The following ARAP3 variants were observed in gnomAD, a reference collection of about 807,000 sequenced individuals.
The protein encoded by ARAP3 is ArfGAP with RhoGAP domain, ankyrin repeat and PH domain 3.
In ARAP3, 82 loss-of-function variants were observed where a neutral mutation model predicts 169.2. That is an observed-to-expected ratio of 0.48 (90% CI 0.41 to 0.58). The LOEUF (loss-of-function observed/expected upper bound fraction) is 0.58. ARAP3 is among the 20% of genes least tolerant of loss of function. The probability of loss-of-function intolerance (pLI) is 0.00; values close to 1 mark genes in which losing one functional copy is unlikely to be tolerated. For synonymous variants in ARAP3, 791 were observed against 800.3 expected (o/e 0.99, Z 0.20); for missense variants, 1,764 against 2,018.0 (o/e 0.87, Z 2.41).
chr5:141,656,051 A>C lies in ARAP3; in HGVS notation c.3908+13T>G. On this transcript the variant is annotated intron_variant, in intron 29 of 32. Coordinates refer to ENST00000239440, the MANE Select transcript of ARAP3 (RefSeq NM_022481.6). Reference sequence around the variant, plus strand: ...GGTGGGCCAGAGGAGAAGCCAGGGCAGGAGGTACTCACAGGTGCATCTTCT... The same window carrying C: ...GGTGGGCCAGAGGAGAAGCCAGGGCCGGAGGTACTCACAGGTGCATCTTCT... 1.2e-6 allele frequency: 2 copies of C among 1,614,202 alleles called. No homozygotes were observed. Among genetic ancestry groups the C allele is most frequent in the Non-Finnish European group, 1.7e-6 (2 of 1,180,036 alleles).
At chr5:141,654,493 T>C in intron 32 of ARAP3, 58 bp from the exon 33 acceptor site, 1 of 1,509,690 alleles carries the variant, frequency 6.6e-7, no homozygotes, top group Non-Finnish European at 8.8e-7. Context: ...AGATTATGAA[T>C]CACTAACATT....
chr5:141,671,428 C>T lies in ARAP3; in HGVS notation c.1855-28G>A. ...GCAGGGAGGGAAGGGCCTCTGTCAGCCCCAAATCCCAAACTGAGAGCACTG... is the reference window on the plus strand; with the variant it reads ...GCAGGGAGGGAAGGGCCTCTGTCAGTCCCAAATCCCAAACTGAGAGCACTG... On this transcript the variant is annotated intron_variant, in intron 12 of 32. Transcript: ENST00000239440. This position sits in a 1 kb window ranked among gnomAD's most constrained non-coding sequence, Gnocchi z 4.9. 3 of 1,597,334 alleles carry T rather than the reference C, an allele frequency of 1.9e-6. No individual in the cohort carries two copies. The highest frequency in any genetic ancestry group is 3.4e-5 in the Admixed American group (2 of 58,430).
rs1260971329 is a variant in ARAP3, at chr5:141,679,612, C to T, written c.631G>A (p.Val211Met). 1 of 1,614,138 alleles carries T rather than the reference C, an allele frequency of 6.2e-7. No individual in the cohort carries two copies. The highest frequency in any genetic ancestry group is 8.5e-7 in the Non-Finnish European group (1 of 1,180,032). ...PGCLYYGVQP[V>M]GTPGAPDRRE... ...CTGTCGGGGGCTCCTGGAGTCCCCA[C>T]AGGTTGGACACCATAGTACAGGCAA... is the stretch of plus-strand genomic sequence containing the variant. The change falls in exon 4 of 33, where the codon GTG becomes ATG. Residue 211 changes from valine to methionine, a missense_variant. This residue lies in a region of ARAP3 where 630 missense variants were observed against 678.7 expected (regional missense o/e 0.93). Coordinates refer to ENST00000239440, the MANE Select transcript of ARAP3 (RefSeq NM_022481.6).
intron 2 of ARAP3, 50 bp downstream of exon 2, chr5:141,679,913 T>G: frequency 1.2e-6 from 2 of 1,612,178 alleles, no homozygotes; most frequent in Non-Finnish European, 1.7e-6. Context: ...CCTCATGCTC[T>G]CCTCCCCACT....
chr5:141,680,288 C>T lies in ARAP3; in HGVS notation c.199G>A (p.Glu67Lys), dbSNP rs139737134. ...GATTTGGGATCCAGGGAGCCCTCTT[C>T]GGTGCCTGTCTGTAGCAGGCGTAGA... ...RILRLLQTGT[E>K]EGSLDPKSDS... Residue 67 changes from glutamate (E) to lysine (K), a missense_variant, in exon 2 of 33, where the codon GAA (glutamate) becomes AAA (lysine). By Grantham distance (56) the Glu-to-Lys change is moderately conservative. Transcript: ENST00000239440. 4.3e-3 allele frequency: 6,890 copies of T among 1,614,204 alleles called. 19 individuals carry two copies. Among genetic ancestry groups the T allele is most frequent in the Non-Finnish European group, 5.0e-3 (5,952 of 1,180,028 alleles).
chr5:141,678,310 C>G (rs2099912485), intron 4 of ARAP3, among the ~76,000 whole-genome samples: 1 of 152,072 alleles, frequency 6.6e-6, no homozygotes, highest in Non-Finnish European at 1.5e-5. Context: ...CACCGTGGCT[C>G]ACCTGCCCCA....
Position 141,672,455 on chromosome 5 carries a change from C to T in ARAP3, c.1385+97G>A. 1.3e-6 allele frequency: 2 copies of T among 1,491,576 alleles called. No individual in the cohort carries two copies. The highest frequency in any genetic ancestry group is 2.4e-5 in the East Asian group (1 of 41,650). The allele number at this position is 1,491,576 out of a possible 1,614,324, so 92.4% of individuals were successfully genotyped here. A position where few individuals can be genotyped will look rare whatever the true frequency, so the allele number is the denominator to read the frequency against. On this transcript the variant is annotated intron_variant, in intron 9 of 32. Transcript: ENST00000239440. The surrounding 1 kb of genome is among the most constrained non-coding windows in gnomAD (Gnocchi z 4.9). ...CTCACTGGACTACCATCTGTGCATA[C>T]CCTCTGACGTCCTACTAAAGAGGCC... is the stretch of plus-strand genomic sequence containing the variant.
chr5:141,671,028 C>T lies in ARAP3; in HGVS notation c.1990+237G>A, dbSNP rs1019122179. Among the ~76,000 whole-genome samples, 6 of 152,218 alleles carry T rather than the reference C, an allele frequency of 3.9e-5. No homozygotes were observed. Among genetic ancestry groups the T allele is most frequent in the African/African-American group, 7.2e-5 (3 of 41,442 alleles). ...GGGAGACTAGTCCTGACCTATGGGTCGGCCCTGTCAGGGGTGGACCAGCAC... is the reference window on the plus strand; with the variant it reads ...GGGAGACTAGTCCTGACCTATGGGTTGGCCCTGTCAGGGGTGGACCAGCAC... On this transcript the variant is annotated intron_variant, in intron 13 of 32. Coordinates refer to ENST00000239440, the MANE Select transcript of ARAP3 (RefSeq NM_022481.6). The surrounding 1 kb of genome is among the most constrained non-coding windows in gnomAD (Gnocchi z 4.9).
At chr5:141,679,053 C>T (rs989094103) in intron 4 of ARAP3, among the ~76,000 whole-genome samples, 1 of 152,040 alleles carries the variant, frequency 6.6e-6, no homozygotes, top group Non-Finnish European at 1.5e-5. Context: ...CTTTGGGAGG[C>T]CAAGGAGGTA....
chr5:141,667,139 C>T (rs1387873940), intron 16 of ARAP3, among the ~76,000 whole-genome samples: 1 of 152,046 alleles, frequency 6.6e-6, no homozygotes, highest in Non-Finnish European at 1.5e-5. Flanking sequence ...GTCTCGAACT[C>T]CCACCTTGGC....
At position 141,657,687 on chromosome 5, in the gene ARAP3, C is replaced by T. The variant is rs573798880; in HGVS notation, c.3526+678G>A. ...GAGAAGTGATTGATTCTAATGGAAT[C>T]GACAAGACTAGTTGGTGAGTTGTGT... is the stretch of plus-strand genomic sequence containing the variant. On this transcript the variant is annotated intron_variant, in intron 25 of 32. Transcript: ENST00000239440. Among the ~76,000 whole-genome samples the T allele has an allele frequency of 2.1e-3, 313 of 152,230 alleles. 1 individual carries two copies. The highest frequency in any genetic ancestry group is 4.0e-3 in the Non-Finnish European group (271 of 68,028).
intron 25 of ARAP3, among the ~76,000 whole-genome samples, 157 bp downstream of exon 25, chr5:141,658,208 G>A (rs529707210): frequency 6.6e-6 from 1 of 152,236 alleles, no homozygotes; most frequent in East Asian, 1.9e-4. Flanking sequence ...GAGGGAGTGA[G>A]TCAACTGTGT....
chr5:141,673,482 A>G lies in ARAP3; in HGVS notation c.903-12T>C, dbSNP rs1052148504. Reference sequence around the variant, plus strand: ...GGAAGACATAGTTTCTGAGGAAGGAAGGAGCCAAGATCAGTGTTTGAGGTT... The same window carrying G: ...GGAAGACATAGTTTCTGAGGAAGGAGGGAGCCAAGATCAGTGTTTGAGGTT... On this transcript the variant is annotated splice_polypyrimidine_tract_variant and intron_variant, in intron 5 of 32. Transcript: ENST00000239440. 6.2e-7 allele frequency: 1 copy of G among 1,614,066 alleles called. No individual in the cohort carries two copies. Among genetic ancestry groups the G allele is most frequent in the African/African-American group, 1.3e-5 (1 of 74,902 alleles).
At position 141,671,694 on chromosome 5, in the gene ARAP3, G is replaced by A; in HGVS notation, c.1730C>T (p.Pro577Leu). The A allele has an allele frequency of 3.7e-6, 6 of 1,612,554 alleles. No individual in the cohort carries two copies. Among genetic ancestry groups the A allele is most frequent in the Non-Finnish European group, 5.1e-6 (6 of 1,179,192 alleles). Residue 577 changes from proline to leucine, a missense_variant, in exon 12 of 33, where the codon CCA (proline) becomes CTA (leucine). This residue lies in a region of ARAP3 where 1,112 missense variants were observed against 1,285.7 expected (regional missense o/e 0.86). Transcript: ENST00000239440. The surrounding 1 kb of genome is among the most constrained non-coding windows in gnomAD (Gnocchi z 4.9). ...ANRFWAGTLP[P>L]GEGLHPDATP... is the part of the protein sequence containing the mutation. Reference sequence around the variant, plus strand: ...CGCATCTGGATGTAGTCCCTCACCTGGGGGTAGGGTCCCTGCCCAGAAGCG... The same window carrying A: ...CGCATCTGGATGTAGTCCCTCACCTAGGGGTAGGGTCCCTGCCCAGAAGCG...
At chr5:141,677,736 C>T (rs1321206025) in intron 4 of ARAP3, among the ~76,000 whole-genome samples, 1 of 148,032 alleles carries the variant, frequency 6.8e-6, no homozygotes, top group Non-Finnish European at 1.5e-5. Flanking sequence ...TATCTGGCCC[C>T]TTGTTTTTGT....
Position 141,667,724 on chromosome 5 carries a change from G to A in ARAP3, c.2353-1081C>T, listed in dbSNP as rs143411541. Reference sequence around the variant, plus strand: ...ATTAGAGGCATGAGCCACCACGCCCGGCCAGTACTGTATTTTCATTAAAAA... The same window carrying A: ...ATTAGAGGCATGAGCCACCACGCCCAGCCAGTACTGTATTTTCATTAAAAA... On this transcript the variant is annotated intron_variant, in intron 16 of 32. Transcript: ENST00000239440. Among the ~76,000 whole-genome samples, 21 of 146,956 alleles carry A rather than the reference G, an allele frequency of 1.4e-4. No individual in the cohort carries two copies. The East Asian group carries it at 4.2e-3, about 29-fold the overall frequency.
At position 141,679,580 on chromosome 5, in the gene ARAP3, C is replaced by T. The variant is rs2099912690; in HGVS notation, c.663G>A (p.Glu221=). Residue 221 remains glutamate, a synonymous_variant, in exon 4 of 33, where the codon GAG becomes GAA. Transcript: ENST00000239440. ...CCCTGCCCTGACAAACACCTCTGCT[C>T]TCTCTTCTGTCGGGGGCTCCTGGAG... ...VGTPGAPDRR[E]SRGVCQGRAE... The T allele has an allele frequency of 6.2e-7, 1 of 1,614,072 alleles. No homozygotes were observed. Among genetic ancestry groups the T allele is most frequent in the Non-Finnish European group, 8.5e-7 (1 of 1,180,042 alleles).
In ARAP3 at chr5:141,669,981, T is replaced by C. The variant is rs2099911206; in HGVS notation, c.2190A>G (p.Ile730Met). ...CCAGACATACAATATCCTGGGGCTGTATGAGGCTGAGGGGTTCAGGGCTGT... is the reference window on the plus strand; with the variant it reads ...CCAGACATACAATATCCTGGGGCTGCATGAGGCTGAGGGGTTCAGGGCTGT... ...SENSPEPLSL[I>M]QPQDIVCLGV... Residue 730 changes from isoleucine to methionine, a missense_variant, in exon 15 of 33, where the codon ATA becomes ATG. Ile to Met is a conservative substitution (Grantham distance 10). This residue lies in a region of ARAP3 where 1,112 missense variants were observed against 1,285.7 expected (regional missense o/e 0.86). Transcript: ENST00000239440. 1.3e-6 allele frequency: 2 copies of C among 1,599,106 alleles called. No homozygotes were observed. The highest frequency in any genetic ancestry group is 1.7e-6 in the Non-Finnish European group (2 of 1,176,228).
chr5:141,654,038 C>T lies in ARAP3; in HGVS notation c.4547G>A (p.Ser1516Asn). The T allele has an allele frequency of 1.9e-6, 3 of 1,594,434 alleles. No individual in the cohort carries two copies. Among genetic ancestry groups the T allele is most frequent in the Non-Finnish European group, 2.6e-6 (3 of 1,170,524 alleles). ...TGTCTGTGTTGGAAGGCCAGTGGGG[C>T]TGGGGGATTGGGGGCTGGATGGCTG... is the stretch of plus-strand genomic sequence containing the variant. Reference protein sequence around the residue: ...PSQPSSPQSPSPTGLPTQTPG... With the variant: ...PSQPSSPQSPNPTGLPTQTPG... The change falls in exon 33 of 33, where the codon AGC (serine) becomes AAC (asparagine). Residue 1516 changes from serine (S) to asparagine (N), a missense_variant. By Grantham distance (46) the Ser-to-Asn change is conservative. Transcript: ENST00000239440.
Sources: gnomAD v4.1 joint callset for allele counts (sites outside exome capture counted in the v4.1 genomes callset) on GRCh38, gnomAD v4.1.1 for gene constraint, gnomAD v4.1.1 regional missense constraint, Gnocchi (gnomAD v3.1) non-coding constraint, MANE v1.5 for transcripts, NCBI Gene and HGNC (gene_info 2026-07-23, HGNC 2026-07-21) for gene names.